The following ACOT13 variants were observed in gnomAD, a reference collection of about 807,000 sequenced individuals.
ACOT13 encodes the protein acyl-coenzyme A thioesterase 13.
A neutral mutation model predicts 11.8 loss-of-function variants in ACOT13; 10 were observed. The ratio of observed to expected loss-of-function variants is 0.85; its 90% CI spans 0.53 to 1.44. ACOT13 has a LOEUF of 1.44. ACOT13 is among the 40% of genes most tolerant of loss of function. The pLI is 0.00. For synonymous variants in ACOT13, 53 were observed against 61.0 expected (o/e 0.87, Z 0.61); for missense variants, 172 against 174.1 (o/e 0.99, Z 0.07).
intron 1 of ACOT13, among the ~76,000 whole-genome samples, chr6:24,683,579 T>A (rs572816051): frequency 1.3e-5 from 2 of 150,520 alleles, no homozygotes; most frequent in African/African-American, 4.9e-5. Flanking sequence ...TTGGTTCTGA[T>A]GACGTGCCCA....
intron 1 of ACOT13, among the ~76,000 whole-genome samples, chr6:24,675,928 C>G (rs866059515): frequency 6.6e-5 from 10 of 152,310 alleles, no homozygotes; most frequent in African/African-American, 2.4e-4. Context: ...GATCCAGTTT[C>G]AGCTTTCTAC....
intron 1 of ACOT13, among the ~76,000 whole-genome samples, chr6:24,685,385 T>C (rs1391568394): frequency 2.0e-5 from 3 of 148,430 alleles, no homozygotes; most frequent in Admixed American, 6.8e-5. Context: ...CTTGCTCTGT[T>C]GCCCAGGCTG....
chr6:24,674,924 C>T (rs541169938), intron 1 of ACOT13, among the ~76,000 whole-genome samples: 1 of 143,262 alleles, frequency 7.0e-6, no homozygotes, highest in South Asian at 2.2e-4. Flanking sequence ...ATGTTCCCCA[C>T]CCTGTGTCCA....
At chr6:24,668,257 T>C (rs552042970) in intron 1 of ACOT13, among the ~76,000 whole-genome samples, 42 of 151,810 alleles carry the variant, frequency 2.8e-4, no homozygotes, top group Non-Finnish European at 5.4e-4. Context: ...CTTGCTCTGT[T>C]GCCCATGCGG....
At position 24,685,424 on chromosome 6, in the gene ACOT13, G is replaced by C. The variant is rs894702058; in HGVS notation, c.82-12459G>C. On this transcript the variant is annotated intron_variant, in intron 1 of 2. Coordinates refer to ENST00000230048, the MANE Select transcript of ACOT13 (RefSeq NM_018473.4). ...TGCAGTGGTGCAATCTCGGCTCACT[G>C]CAAGCTCCGCCTCCCGGGTTCACAC... 1.0e-3 allele frequency among the ~76,000 whole-genome samples: 148 copies of C among 147,112 alleles called. 1 individual carries two copies. The highest frequency in any genetic ancestry group is 3.5e-3 in the African/African-American group (139 of 40,164).
At chr6:24,682,672 A>G (rs927035377) in intron 1 of ACOT13, among the ~76,000 whole-genome samples, 5 of 150,506 alleles carry the variant, frequency 3.3e-5, no homozygotes, top group African/African-American at 1.2e-4. Context: ...GTGGGTCTGC[A>G]GTGGCAGGTC....
intron 1 of ACOT13, among the ~76,000 whole-genome samples, chr6:24,672,579 C>T (rs542396398): frequency 1.3e-5 from 2 of 152,318 alleles, no homozygotes; most frequent in Admixed American, 1.3e-4. Flanking sequence ...GCGGAGGTTA[C>T]AGTGAGCTGA....
At chr6:24,668,109 T>A (rs1396077999) in intron 1 of ACOT13, among the ~76,000 whole-genome samples, 31 of 151,488 alleles carry the variant, frequency 2.0e-4, no homozygotes. Flanking sequence ...GGTTTCTCCA[T>A]GTTGGTCAGG....
chr6:24,672,712 T>C (rs1255824623), intron 1 of ACOT13, among the ~76,000 whole-genome samples: 1 of 152,240 alleles, frequency 6.6e-6, no homozygotes, highest in African/African-American at 2.4e-5. Flanking sequence ...TCAGTTAATG[T>C]GTCAAGAAAA....
intron 1 of ACOT13, among the ~76,000 whole-genome samples, chr6:24,668,404 A>G (rs1324218420): frequency 6.6e-6 from 1 of 151,930 alleles, no homozygotes; most frequent in Non-Finnish European, 1.5e-5. Flanking sequence ...TATTTTTATT[A>G]GAGACAGGGT....
intron 1 of ACOT13, among the ~76,000 whole-genome samples, chr6:24,671,919 A>G (rs924545400): frequency 6.6e-6 from 1 of 152,228 alleles, no homozygotes; most frequent in Non-Finnish European, 1.5e-5. Flanking sequence ...TACCAATAAC[A>G]TATTTATACA....
chr6:24,686,076 G>T (rs1394602530), intron 1 of ACOT13, among the ~76,000 whole-genome samples: 1 of 151,812 alleles, frequency 6.6e-6, no homozygotes, highest in Non-Finnish European at 1.5e-5. Context: ...CAGACTAAAT[G>T]TCCTGCTCTT....
At chr6:24,687,085 T>A (rs1778644267) in intron 1 of ACOT13, among the ~76,000 whole-genome samples, 1 of 152,228 alleles carries the variant, frequency 6.6e-6, no homozygotes, top group Non-Finnish European at 1.5e-5. Context: ...TAACCATTTC[T>A]AAGTGTACAG....
rs1332302730 is a variant in ACOT13, at chr6:24,703,025, T to A, written c.*1410T>A. The A allele has an allele frequency of 6.6e-6, 1 of 152,294 alleles. No individual in the cohort carries two copies. The highest frequency in any genetic ancestry group is 2.4e-5 in the African/African-American group (1 of 41,474). 9.4% of individuals were successfully genotyped at this position (152,294 alleles called of 1,614,324 possible). A position where few individuals can be genotyped will look rare whatever the true frequency, so the allele number is the denominator to read the frequency against. ...CCTCAGTCTCCTGAGTAGCTGGAACTACAGGCGTGTGCCACCACGCCTAAT... is the reference window on the plus strand; with the variant it reads ...CCTCAGTCTCCTGAGTAGCTGGAACAACAGGCGTGTGCCACCACGCCTAAT... On this transcript the variant is annotated 3_prime_UTR_variant, in exon 3 of 3. Coordinates refer to ENST00000230048, the MANE Select transcript of ACOT13 (RefSeq NM_018473.4).
intron 2 of ACOT13, 61 bp downstream of exon 2, chr6:24,698,128 C>G: frequency 2.2e-6 from 3 of 1,380,690 alleles, no homozygotes; most frequent in Non-Finnish European, 2.9e-6. Flanking sequence ...ACAACTGAGA[C>G]TAAACACATT....
chr6:24,699,122 CCT>C (rs1286020519), intron 2 of ACOT13, among the ~76,000 whole-genome samples: 1 of 151,958 alleles, frequency 6.6e-6, no homozygotes, highest in Non-Finnish European at 1.5e-5. Context: ...GCTTTTTCCA[CCT>C]AAGCAACAAA....
chr6:24,677,647 G>C (rs953105437), intron 1 of ACOT13, among the ~76,000 whole-genome samples: 1 of 152,218 alleles, frequency 6.6e-6, no homozygotes, highest in South Asian at 2.1e-4. Context: ...ACTGGGGCTT[G>C]GGTTAGGGCC....
chr6:24,678,940 C>T lies in ACOT13; in HGVS notation c.81+11596C>T, dbSNP rs138178395. Among the ~76,000 whole-genome samples, 911 of 152,284 alleles carry T rather than the reference C, an allele frequency of 6.0e-3. 10 individuals are homozygous for T. Among genetic ancestry groups the T allele is most frequent in the African/African-American group, 0.021 (855 of 41,546 alleles). ...GGCCCTGTGAGGGTGATGGCATGGG[C>T]TGGTGCTTGCCCCGGGCACCCTCAG... is the stretch of plus-strand genomic sequence containing the variant. On this transcript the variant is annotated intron_variant, in intron 1 of 2. Coordinates refer to ENST00000230048, the MANE Select transcript of ACOT13 (RefSeq NM_018473.4).
At chr6:24,692,430 T>C (rs557753023) in intron 1 of ACOT13, among the ~76,000 whole-genome samples, 1 of 152,334 alleles carries the variant, frequency 6.6e-6, no homozygotes, top group African/African-American at 2.4e-5. Context: ...AGTGGTGTTG[T>C]TTTGGGGACA....
Sources: gnomAD v4.1 joint callset for allele counts (sites outside exome capture counted in the v4.1 genomes callset) on GRCh38, gnomAD v4.1.1 for gene constraint, MANE v1.5 for transcripts, NCBI Gene and HGNC (gene_info 2026-07-23, HGNC 2026-07-21) for gene names.